Variants in LINGO2 observed in about 807,000 individuals in gnomAD.
LINGO2 encodes leucine-rich repeat and immunoglobulin-like domain-containing nogo receptor-interacting protein 2.
Under a neutral mutation model 30.6 loss-of-function variants are expected in LINGO2, and 14 were observed. That is an observed-to-expected ratio of 0.46 (90% confidence interval 0.30 to 0.72). The LOEUF (loss-of-function observed/expected upper bound fraction) is 0.72. LINGO2 is among the 30% of genes least tolerant of loss of function. The pLI is 0.07. For synonymous variants in LINGO2, 317 were observed against 288.5 expected, an observed-to-expected ratio of 1.10 and a Z score of -1.00; for missense variants, 729 against 751.7, an observed-to-expected ratio of 0.97 and a Z score of 0.35.
the LINGO2 span, among the ~76,000 whole-genome samples, chr9:28,871,026 T>C: frequency 7.2e-5 from 11 of 152,000 alleles, no homozygotes; most frequent in African/African-American, 2.4e-4. Flanking sequence ...AAATTCTCCT[T>C]CTAGACATCT....
intron 1 of LINGO2, among the ~76,000 whole-genome samples, chr9:28,524,595 C>T (rs1042396063): frequency 6.6e-6 from 1 of 151,744 alleles, no homozygotes; most frequent in Non-Finnish European, 1.5e-5. Flanking sequence ...TCTACTAAAA[C>T]CCAAAAAATT....
chr9:28,678,983 T>C, the LINGO2 span, among the ~76,000 whole-genome samples: 2 of 152,094 alleles, frequency 1.3e-5, no homozygotes, highest in African/African-American at 2.4e-5. Flanking sequence ...GGATGGTGGA[T>C]CTTTGATATG....
chr9:28,385,347 T>C (rs1188573280), intron 2 of LINGO2, among the ~76,000 whole-genome samples: 1 of 152,180 alleles, frequency 6.6e-6, no homozygotes, highest in African/African-American at 2.4e-5. Context: ...CTAGACTAGA[T>C]TCCATTTTCT....
At chr9:28,188,579 A>C (rs1587173513) in intron 4 of LINGO2, among the ~76,000 whole-genome samples, 1 of 152,246 alleles carries the variant, frequency 6.6e-6, no homozygotes, top group East Asian at 1.9e-4. Flanking sequence ...TATCACCAAA[A>C]ATTGGGACAA....
chr9:27,989,887 T>A (rs1459117606), intron 5 of LINGO2, among the ~76,000 whole-genome samples: 1 of 152,012 alleles, frequency 6.6e-6, no homozygotes, highest in Non-Finnish European at 1.5e-5. Flanking sequence ...GCTCTTCCCC[T>A]AAAACTGTTG....
At chr9:27,981,540 AAAAAAAAAAAG>A (rs1820859440) in intron 5 of LINGO2, among the ~76,000 whole-genome samples, 8 of 123,692 alleles carry the variant, frequency 6.5e-5, no homozygotes, top group Non-Finnish European at 1.0e-4. Context: ...ATGGCAAAAA[AAAAAAAAAAAG>A]AAAAAAAAGA....
the LINGO2 span, among the ~76,000 whole-genome samples, chr9:29,039,979 A>G: frequency 6.6e-6 from 1 of 152,176 alleles, no homozygotes; most frequent in Non-Finnish European, 1.5e-5. Context: ...TAAAACAGAA[A>G]AAATCTAGAG....
chr9:28,759,431 C>T, the LINGO2 span, among the ~76,000 whole-genome samples: 2 of 151,946 alleles, frequency 1.3e-5, no homozygotes, highest in East Asian at 3.9e-4. Context: ...ACCTGTAATC[C>T]CAGAACTTTG....
chr9:29,209,221 C>A, the LINGO2 span, among the ~76,000 whole-genome samples: 1 of 152,084 alleles, frequency 6.6e-6, no homozygotes. Context: ...GAATACCTAT[C>A]CATGCTTTTA....
intron 1 of LINGO2, among the ~76,000 whole-genome samples, chr9:28,511,448 A>G (rs1341461062): frequency 6.6e-6 from 1 of 152,114 alleles, no homozygotes; most frequent in East Asian, 1.9e-4. Context: ...TGCTGAACCC[A>G]TGTATAACCT....
chr9:28,693,233 T>G, the LINGO2 span, among the ~76,000 whole-genome samples: 1 of 152,110 alleles, frequency 6.6e-6, no homozygotes, highest in African/African-American at 2.4e-5. Flanking sequence ...TTAAACATAT[T>G]GAGACATTTT....
intron 5 of LINGO2, among the ~76,000 whole-genome samples, chr9:27,985,825 G>A (rs1821098104): frequency 6.6e-6 from 1 of 151,770 alleles, no homozygotes. Flanking sequence ...GATATCAAGT[G>A]CAGACAGACT....
At chr9:28,166,266 A>T (rs935511420) in intron 4 of LINGO2, among the ~76,000 whole-genome samples, 4 of 152,208 alleles carry the variant, frequency 2.6e-5, no homozygotes, top group African/African-American at 9.6e-5. Context: ...ACAATCTATC[A>T]TAAGTCATAG....
At chr9:28,294,785 G>A (rs993277846) in intron 4 of LINGO2, among the ~76,000 whole-genome samples, 1 of 152,138 alleles carries the variant, frequency 6.6e-6, no homozygotes, top group African/African-American at 2.4e-5. Flanking sequence ...CTGAATTGGA[G>A]TAACCTTGAA....
intron 2 of LINGO2, among the ~76,000 whole-genome samples, chr9:28,400,136 CT>C (rs1275013504): frequency 3.9e-5 from 6 of 152,090 alleles, no homozygotes; most frequent in African/African-American, 1.4e-4. Context: ...TATTGTGACC[CT>C]TTGGCACCGG....
the LINGO2 span, among the ~76,000 whole-genome samples, chr9:29,178,775 C>T: frequency 2.0e-5 from 3 of 151,748 alleles, no homozygotes; most frequent in African/African-American, 7.3e-5. Context: ...TTAGAGCCAC[C>T]AGGAAGAGGA....
At chr9:28,235,815 C>T (rs1821542250) in intron 4 of LINGO2, among the ~76,000 whole-genome samples, 1 of 152,042 alleles carries the variant, frequency 6.6e-6, no homozygotes, top group South Asian at 2.1e-4. Context: ...GTCAATGAAG[C>T]ACACCTACAA....
At chr9:28,046,757 G>GT in intron 4 of LINGO2, among the ~76,000 whole-genome samples, 1 of 149,740 alleles carries the variant, frequency 6.7e-6, no homozygotes, top group East Asian at 2.0e-4. Context: ...CCACGATATT[G>GT]TCCCCTGATG....
the LINGO2 span, among the ~76,000 whole-genome samples, chr9:29,013,660 A>C: frequency 6.6e-6 from 1 of 152,148 alleles, no homozygotes; most frequent in African/African-American, 2.4e-5. Flanking sequence ...GACACAATGA[A>C]AAGGGCTTCA....
Sources: allele counts gnomAD v4.1 joint callset (sites outside exome capture counted in the v4.1 genomes callset), GRCh38; gene constraint gnomAD v4.1.1; transcripts MANE v1.5; gene names NCBI Gene and HGNC (gene_info 2026-07-23, HGNC 2026-07-21).